The following SH3PXD2A variants were observed in gnomAD, a reference collection of about 807,000 sequenced individuals.
The protein encoded by SH3PXD2A is SH3 and PX domain-containing protein 2A.
In SH3PXD2A, 32 loss-of-function variants were observed where a neutral mutation model predicts 115.2. That is an observed-to-expected ratio of 0.28 (90% CI 0.21 to 0.37). The LOEUF (loss-of-function observed/expected upper bound fraction) is 0.37. Ranked by LOEUF, SH3PXD2A falls within the 10% of genes least tolerant of loss-of-function variation. SH3PXD2A has a pLI of 1.00. For missense variants in SH3PXD2A, 1,328 were observed against 1,498.7 expected (o/e 0.89, Z 1.88); for synonymous variants, 610 against 629.1 (o/e 0.97, Z 0.45).
intron 5 of SH3PXD2A, among the ~76,000 whole-genome samples, chr10:103,709,901 T>C (rs1053161276): frequency 8.6e-5 from 13 of 151,122 alleles, no homozygotes; most frequent in African/African-American, 2.9e-4. Context: ...AGGTCAGGAG[T>C]TCGAGACCAG....
At chr10:103,762,895 A>G in intron 3 of SH3PXD2A, among the ~76,000 whole-genome samples, 1 of 147,886 alleles carries the variant, frequency 6.8e-6, no homozygotes, top group East Asian at 2.0e-4. Context: ...CAGACCCCCA[A>G]TCCTTACCCC....
chr10:103,717,284 C>T (rs185530420), intron 5 of SH3PXD2A, among the ~76,000 whole-genome samples: 13 of 152,316 alleles, frequency 8.5e-5, no homozygotes, highest in African/African-American at 3.1e-4. Flanking sequence ...TCACCCAACA[C>T]TTACTAGGTG....
intron 8 of SH3PXD2A, among the ~76,000 whole-genome samples, chr10:103,636,798 G>A (rs1481823957): frequency 2.6e-5 from 4 of 152,054 alleles, no homozygotes; most frequent in African/African-American, 7.2e-5. Flanking sequence ...AAATCCTCTC[G>A]TCCTCCCGCT....
intron 2 of SH3PXD2A, among the ~76,000 whole-genome samples, chr10:103,792,233 C>T (rs1016316986): frequency 2.0e-5 from 3 of 152,212 alleles, no homozygotes; most frequent in African/African-American, 7.2e-5. Context: ...ACAATGTTTT[C>T]CTAACAGCAT....
intron 4 of SH3PXD2A, among the ~76,000 whole-genome samples, chr10:103,727,558 G>C (rs534004718): frequency 1.2e-4 from 19 of 152,132 alleles, no homozygotes; most frequent in Non-Finnish European, 2.8e-4. Flanking sequence ...AGGAGAGGGC[G>C]GGTTTCAGCG....
intron 5 of SH3PXD2A, among the ~76,000 whole-genome samples, chr10:103,722,121 T>C (rs7101148): frequency 0.28 from 42,531 of 151,498 alleles, 6,397 homozygotes; most frequent in African/African-American, 0.37. Context: ...CTCGCCAACA[T>C]GGTGAAACCC....
At chr10:103,815,406 T>C (rs948159398) in intron 1 of SH3PXD2A, among the ~76,000 whole-genome samples, 1 of 148,900 alleles carries the variant, frequency 6.7e-6, no homozygotes, top group African/African-American at 2.4e-5. Context: ...TATTATACAC[T>C]ATATGTATTT....
rs2037377159 is a variant in SH3PXD2A at position 103,665,843 on chromosome 10, A to T, written c.472+2765T>A. 6.6e-6 allele frequency among the ~76,000 whole-genome samples: 1 copy of T among 152,106 alleles called. No homozygotes were observed. Among genetic ancestry groups the T allele is most frequent in the Non-Finnish European group, 1.5e-5 (1 of 68,002 alleles). On this transcript the variant is annotated intron_variant, in intron 7 of 14. Transcript: ENST00000369774. This position sits in a 1 kb window ranked among gnomAD's most constrained non-coding sequence, Gnocchi z 4.0. ...TAGATGAGGAGTGCTTGGCAGGAGC[A>T]TGGAGAAGGGGTGTACCTCTTCTAG...
chr10:103,784,671 C>T lies in SH3PXD2A; in HGVS notation c.153+16611G>A, dbSNP rs901774010. On this transcript the variant is annotated intron_variant, in intron 2 of 14. Coordinates refer to ENST00000369774, the MANE Select transcript of SH3PXD2A (RefSeq NM_001394015.1). This position sits in a 1 kb window ranked among gnomAD's most constrained non-coding sequence, Gnocchi z 4.4. The stretch of plus-strand genomic sequence containing the variant: ...GGGCAGGACAGTCCCAGTAAAAACT[C>T]GGGGGGTGCAGTGAGGAGGCAGGAG... Among the ~76,000 whole-genome samples the T allele has an allele frequency of 1.3e-5, 2 of 151,000 alleles. No homozygotes were observed. The highest frequency in any genetic ancestry group is 3.9e-4 in the East Asian group (2 of 5,154).
At chr10:103,649,427 G>A (rs1245041027) in intron 8 of SH3PXD2A, among the ~76,000 whole-genome samples, 5 of 152,202 alleles carry the variant, frequency 3.3e-5, no homozygotes, top group African/African-American at 4.8e-5. Flanking sequence ...TCGATGGCAC[G>A]CCACTGCTCT....
At chr10:103,742,562 G>A (rs534412494) in intron 3 of SH3PXD2A, among the ~76,000 whole-genome samples, 9 of 152,328 alleles carry the variant, frequency 5.9e-5, no homozygotes, top group South Asian at 2.1e-4. Flanking sequence ...TCAACCTACC[G>A]CAGGGTAGTT....
chr10:103,762,014 C>CTTT (rs79615908), intron 3 of SH3PXD2A, among the ~76,000 whole-genome samples: 5 of 90,682 alleles, frequency 5.5e-5, no homozygotes, highest in African/African-American at 2.1e-4. Context: ...ATCAACACGT[C>CTTT]TTTTTTTTTT....
chr10:103,773,999 T>A (rs1038683178), intron 2 of SH3PXD2A, among the ~76,000 whole-genome samples: 3 of 152,192 alleles, frequency 2.0e-5, no homozygotes, highest in African/African-American at 7.2e-5. Flanking sequence ...CCTCCCAAAG[T>A]GCTGGGATTA....
Position 103,603,684 on chromosome 10 carries a change from G to A in SH3PXD2A, c.1534C>T (p.Arg512Cys), listed in dbSNP as rs750321416. The A allele has an allele frequency of 6.2e-6, 10 of 1,608,396 alleles. No homozygotes were observed. Among genetic ancestry groups the A allele is most frequent in the African/African-American group, 2.7e-5 (2 of 74,878 alleles). Residue 512 changes from arginine to cysteine, a missense_variant, in exon 15 of 15, where the codon CGC becomes TGC. By Grantham distance (180) the Arg-to-Cys change is radical (BLOSUM62 -3). Around this residue, in one of 5 missense-constraint regions of SH3PXD2A, gnomAD observed 509 missense variants for 628.3 expected, o/e 0.81. Transcript: ENST00000369774. The part of the protein sequence containing the change: ...IDKRKKPNLS[R>C]RTSTLTRPKV... ...GGCCGGGTCAGCGTGCTTGTGCGGC[G>A]GCTCAGGTTGGGCTTCTTGCGCTTA...
intron 8 of SH3PXD2A, among the ~76,000 whole-genome samples, chr10:103,636,708 T>C (rs1310169715): frequency 6.6e-6 from 1 of 151,942 alleles, no homozygotes; most frequent in Non-Finnish European, 1.5e-5. Context: ...GTTAATTAAG[T>C]CCTCTGAGGT....
chr10:103,635,729 C>T (rs551941946), intron 8 of SH3PXD2A, among the ~76,000 whole-genome samples: 8 of 152,342 alleles, frequency 5.3e-5, no homozygotes, highest in Non-Finnish European at 7.3e-5. Flanking sequence ...GCTGCCTCAC[C>T]CTGGCCTGTC....
chr10:103,667,485 G>A (rs1173842653), intron 7 of SH3PXD2A, among the ~76,000 whole-genome samples: 1 of 152,212 alleles, frequency 6.6e-6, no homozygotes, highest in Non-Finnish European at 1.5e-5. Flanking sequence ...GGGAAAAAGG[G>A]ACAGGAGCCC....
rs35223920 is a variant in SH3PXD2A, at chr10:103,759,586, C to A, written c.229+7508G>T. ...GAGTGCAGCTCTTTTTGCTCCACTGCCTGGCTTCTGAAGTCCCTCAATCCC... is the reference window on the plus strand; with the variant it reads ...GAGTGCAGCTCTTTTTGCTCCACTGACTGGCTTCTGAAGTCCCTCAATCCC... On this transcript the variant is annotated intron_variant, in intron 3 of 14. Coordinates refer to ENST00000369774, the MANE Select transcript of SH3PXD2A (RefSeq NM_001394015.1). 5.5e-3 allele frequency among the ~76,000 whole-genome samples: 838 copies of A among 152,324 alleles called. 6 individuals are homozygous for A. Among genetic ancestry groups the A allele is most frequent in the African/African-American group, 0.019 (802 of 41,566 alleles).
At chr10:103,629,141 C>T (rs1432746162) in intron 8 of SH3PXD2A, among the ~76,000 whole-genome samples, 1 of 152,172 alleles carries the variant, frequency 6.6e-6, no homozygotes, top group African/African-American at 2.4e-5. Context: ...ACGCTGGGGA[C>T]ATTGGTCTGA....
Sources: gnomAD v4.1 joint callset for allele counts (sites outside exome capture counted in the v4.1 genomes callset) on GRCh38, gnomAD v4.1.1 for gene constraint, gnomAD v4.1.1 regional missense constraint, Gnocchi (gnomAD v3.1) non-coding constraint, MANE v1.5 for transcripts, NCBI Gene and HGNC (gene_info 2026-07-23, HGNC 2026-07-21) for gene names.